The following AP2A2 variants were observed in gnomAD, a reference collection of about 807,000 sequenced individuals.
The protein encoded by AP2A2 is AP-2 complex subunit alpha-2.
Under a neutral mutation model 104.2 loss-of-function variants are expected in AP2A2, and 32 were observed. That is an observed-to-expected ratio of 0.31 (90% CI 0.23 to 0.41). AP2A2 has a LOEUF of 0.41. AP2A2 is among the 10% of genes least tolerant of loss of function. The probability of loss-of-function intolerance (pLI) is 1.00; values close to 1 mark genes in which losing one functional copy is unlikely to be tolerated. For synonymous variants in AP2A2, 539 were observed against 533.3 expected (o/e 1.01, Z -0.15); for missense variants, 912 against 1,261.0 (o/e 0.72, Z 4.19).
chr11:993,783 C>T lies in AP2A2; in HGVS notation c.1580C>T (p.Ser527Phe). 1 of 1,604,984 alleles carries T rather than the reference C, an allele frequency of 6.2e-7. No individual in the cohort carries two copies. Reference sequence around the variant, plus strand: ...CTGATCCAGTTCCACCTGCTGCACTCCAAGTTCCACCTGTGCAGCGTCCCC... The same window carrying T: ...CTGATCCAGTTCCACCTGCTGCACTTCAAGTTCCACCTGTGCAGCGTCCCC... ...SPLIQFHLLH[S>F]KFHLCSVPTR... The change falls in exon 13 of 22, where the codon TCC becomes TTC. Residue 527 changes from serine (S) to phenylalanine (F), a missense_variant. By Grantham distance (155) the Ser-to-Phe change is radical. Coordinates refer to ENST00000448903, the MANE Select transcript of AP2A2 (RefSeq NM_012305.4). This position sits in a 1 kb window ranked among gnomAD's most constrained non-coding sequence, Gnocchi z 8.2.
At chr11:931,454 T>C (rs1853289083) in intron 1 of AP2A2, among the ~76,000 whole-genome samples, 1 of 152,218 alleles carries the variant, frequency 6.6e-6, no homozygotes, top group Admixed American at 6.5e-5. Context: ...GCTCTGAGAA[T>C]TGACTGCAAA....
chr11:969,247 T>TTTTGTTG (rs1854735532), intron 2 of AP2A2, among the ~76,000 whole-genome samples: 1 of 134,292 alleles, frequency 7.4e-6, no homozygotes, highest in African/African-American at 2.7e-5. Flanking sequence ...TTTTTTTTTT[T>TTTTGTTG]GAGATGGAGT....
rs562764438 is a variant in AP2A2, at chr11:985,251, G to A, written c.815-184G>A. On this transcript the variant is annotated intron_variant, in intron 7 of 21. Coordinates refer to ENST00000448903, the MANE Select transcript of AP2A2 (RefSeq NM_012305.4). ...GCCTGCCTCGGCCTCCCAAAGTGCT[G>A]GGATTACAGAAGTGAGCCACCGTGC... The A allele has an allele frequency of 1.9e-5, 14 of 745,060 alleles. No individual in the cohort carries two copies. The East Asian group carries it at 2.2e-4, about 12-fold the overall frequency. 46.2% of individuals were successfully genotyped at this position (745,060 alleles called of 1,614,324 possible).
intron 8 of AP2A2, among the ~76,000 whole-genome samples, 178 bp downstream of exon 8, chr11:985,760 C>G (rs924608000): frequency 1.3e-5 from 2 of 152,242 alleles, no homozygotes; most frequent in Admixed American, 1.3e-4. Context: ...GCCCCTCCTG[C>G]TCTGAGCTCA....
chr11:950,115 A>G (rs1250075023), intron 1 of AP2A2, among the ~76,000 whole-genome samples: 1 of 152,138 alleles, frequency 6.6e-6, no homozygotes, highest in Non-Finnish European at 1.5e-5. Context: ...AGATAATTCA[A>G]TGGTGGGGGA....
intron 14 of AP2A2, among the ~76,000 whole-genome samples, chr11:998,113 G>A (rs945156841): frequency 1.3e-5 from 2 of 152,346 alleles, no homozygotes; most frequent in Admixed American, 6.5e-5. Context: ...TGTCCCCGGC[G>A]TAGGGAGCAA....
chr11:995,196 A>G (rs1025585602), intron 14 of AP2A2, among the ~76,000 whole-genome samples: 10 of 152,056 alleles, frequency 6.6e-5, no homozygotes, highest in Non-Finnish European at 1.3e-4. Context: ...CTGTCCTCAC[A>G]TGCTTTGTTG....
intron 14 of AP2A2, among the ~76,000 whole-genome samples, chr11:999,720 G>A (rs780847817): frequency 4.6e-5 from 7 of 152,022 alleles, no homozygotes; most frequent in Non-Finnish European, 1.0e-4. Flanking sequence ...TAATGCACCC[G>A]AGTAAGTTAT....
intron 2 of AP2A2, among the ~76,000 whole-genome samples, chr11:967,887 T>C (rs1454566824): frequency 2.0e-5 from 3 of 152,212 alleles, no homozygotes; most frequent in African/African-American, 7.2e-5. Context: ...TAGCTCAGAA[T>C]ATTAAAGTTC....
At chr11:1,007,506 C>T (rs1341968205) in intron 17 of AP2A2, 1 of 167,494 alleles carries the variant, frequency 6.0e-6, no homozygotes, top group Non-Finnish European at 1.3e-5. Context: ...AGGCCTGCAC[C>T]CCGCTGCCTC....
At chr11:1,007,173 C>T (rs1290186632) in intron 17 of AP2A2, 2 of 154,842 alleles carry the variant, frequency 1.3e-5, no homozygotes, top group Non-Finnish European at 2.9e-5. Flanking sequence ...AGCGTGAAGA[C>T]CCCAGCTTGA....
intron 3 of AP2A2, among the ~76,000 whole-genome samples, chr11:970,693 T>C (rs1854792390): frequency 6.6e-6 from 1 of 152,264 alleles, no homozygotes. Flanking sequence ...TGGTTGGTGC[T>C]CTGTGCCCAT....
At chr11:995,151 G>A (rs1326721379) in intron 14 of AP2A2, among the ~76,000 whole-genome samples, 5 of 152,174 alleles carry the variant, frequency 3.3e-5, no homozygotes, top group African/African-American at 1.2e-4. Context: ...GGAAGTGGCC[G>A]TCCCCTCTCC....
At chr11:929,667 G>A (rs1853225787) in intron 1 of AP2A2, among the ~76,000 whole-genome samples, 1 of 152,132 alleles carries the variant, frequency 6.6e-6, no homozygotes, top group African/African-American at 2.4e-5. Context: ...GTGGTGGCAC[G>A]CACCTGTGGT....
At chr11:955,948 G>A (rs1201503448) in intron 1 of AP2A2, among the ~76,000 whole-genome samples, 1 of 152,112 alleles carries the variant, frequency 6.6e-6, no homozygotes, top group Non-Finnish European at 1.5e-5. Flanking sequence ...TGATGTGGAT[G>A]GGTTGCTGCA....
chr11:951,807 T>C (rs1854062530), intron 1 of AP2A2, among the ~76,000 whole-genome samples: 1 of 152,188 alleles, frequency 6.6e-6, no homozygotes. Context: ...TTTTAGCAAT[T>C]ATAGCTTCCT....
At chr11:937,200 A>G (rs1289659045) in intron 1 of AP2A2, among the ~76,000 whole-genome samples, 1 of 151,832 alleles carries the variant, frequency 6.6e-6, no homozygotes, top group Non-Finnish European at 1.5e-5. Flanking sequence ...TTGGATCTTG[A>G]GTAGAGACGG....
chr11:997,205 G>T (rs1476251727), intron 14 of AP2A2, among the ~76,000 whole-genome samples: 1 of 152,160 alleles, frequency 6.6e-6, no homozygotes, highest in Non-Finnish European at 1.5e-5. Context: ...ATGAGGCCAG[G>T]ACATTTTACT....
chr11:983,101 A>C (rs1855309439), intron 6 of AP2A2, among the ~76,000 whole-genome samples: 2 of 129,904 alleles, frequency 1.5e-5, no homozygotes, highest in Non-Finnish European at 3.2e-5. Flanking sequence ...GTTTACCACA[A>C]CCTCTGCTTG....
Sources: gnomAD v4.1 joint callset for allele counts (sites outside exome capture counted in the v4.1 genomes callset) on GRCh38, gnomAD v4.1.1 for gene constraint, Gnocchi (gnomAD v3.1) non-coding constraint, MANE v1.5 for transcripts, NCBI Gene and HGNC (gene_info 2026-07-23, HGNC 2026-07-21) for gene names.